The following KATNIP variants were observed in gnomAD, a reference collection of about 807,000 sequenced individuals.
The protein encoded by KATNIP is katanin interacting protein.
A neutral mutation model predicts 174.0 loss-of-function variants in KATNIP; 126 were observed. That is an observed-to-expected ratio of 0.72 (90% CI 0.63 to 0.84). The LOEUF is 0.84. KATNIP is among the 40% of genes least tolerant of loss of function. The pLI is 0.00. For missense variants in KATNIP, 1,958 were observed against 2,109.7 expected, an observed-to-expected ratio of 0.93 and a Z score of 1.41; for synonymous variants, 810 against 835.7, an observed-to-expected ratio of 0.97 and a Z score of 0.53.
rs781557932 is a variant in KATNIP, at chr16:27,631,146, G to A, written c.392G>A (p.Arg131His). ...SSRTAPSKVQ[R>H]RGWHQKSVQI... The stretch of plus-strand genomic sequence containing the variant: ...CGGACAGCCCCCAGTAAAGTCCAGC[G>A]CCGAGGATGGCACCAGGTCTGGAGA... Residue 131 changes from arginine (R) to histidine (H), a missense_variant, in exon 5 of 28, where the codon CGC (arginine) becomes CAC (histidine). Physicochemically the swap from Arg to His is conservative, Grantham distance 29. Coordinates refer to ENST00000261588, the MANE Select transcript of KATNIP (RefSeq NM_015202.5). 2.2e-5 allele frequency: 34 copies of A among 1,568,444 alleles called. No individual in the cohort carries two copies. Among genetic ancestry groups the A allele is most frequent in the South Asian group, 5.9e-5 (5 of 85,354 alleles).
rs1411083527 is a variant in KATNIP at position 27,637,340 on chromosome 16, A to G, written c.408+6178A>G. On this transcript the variant is annotated intron_variant, in intron 5 of 27. Coordinates refer to ENST00000261588, the MANE Select transcript of KATNIP (RefSeq NM_015202.5). This position sits in a 1 kb window ranked among gnomAD's most constrained non-coding sequence, Gnocchi z 4.7. ...TTGGCACTTACAGATGCCGGGTTCCAAGCAATAAGTGAGGCCAGCCCTGCT... is the reference window on the plus strand; with the variant it reads ...TTGGCACTTACAGATGCCGGGTTCCGAGCAATAAGTGAGGCCAGCCCTGCT... Among the ~76,000 whole-genome samples the G allele has an allele frequency of 6.6e-6, 1 of 152,154 alleles. No individual in the cohort carries two copies. The highest frequency in any genetic ancestry group is 6.5e-5 in the Admixed American group (1 of 15,282).
intron 4 of KATNIP, among the ~76,000 whole-genome samples, chr16:27,629,739 C>T (rs531973765): frequency 1.3e-5 from 2 of 152,340 alleles, no homozygotes; most frequent in South Asian, 2.1e-4. Context: ...CTCAGTTAGA[C>T]ATGGTGGCTC....
chr16:27,723,103 C>G (rs2080304416), intron 14 of KATNIP, among the ~76,000 whole-genome samples: 1 of 152,152 alleles, frequency 6.6e-6, no homozygotes, highest in South Asian at 2.1e-4. Flanking sequence ...GAGGGCCCTG[C>G]GTGTTCACAG....
chr16:27,669,189 G>A (rs2077797650), intron 6 of KATNIP: 1 of 671,220 alleles, frequency 1.5e-6, no homozygotes, highest in Non-Finnish European at 1.8e-6. Flanking sequence ...TCAGCAGAAA[G>A]AGGAAGCTCA....
chr16:27,743,014 T>C (rs1392840813), intron 15 of KATNIP, among the ~76,000 whole-genome samples: 1 of 152,140 alleles, frequency 6.6e-6, no homozygotes, highest in Non-Finnish European at 1.5e-5. Flanking sequence ...CTCCTCCCAC[T>C]ACACCCCCCA....
At chr16:27,648,802 C>A (rs1224582309) in intron 6 of KATNIP, 67 bp downstream of exon 6, 7 of 1,542,416 alleles carry the variant, frequency 4.5e-6, no homozygotes, top group Non-Finnish European at 6.2e-6. Context: ...CTGCAGTGGC[C>A]CCTCGGGGCA....
At chr16:27,658,185 G>A (rs1408265251) in intron 6 of KATNIP, among the ~76,000 whole-genome samples, 4 of 152,138 alleles carry the variant, frequency 2.6e-5, no homozygotes, top group Admixed American at 6.6e-5. Context: ...CTTTTTTAAC[G>A]TCCTTATGTG....
intron 2 of KATNIP, among the ~76,000 whole-genome samples, chr16:27,603,592 A>T (rs2075605586): frequency 2.0e-5 from 3 of 149,670 alleles, no homozygotes; most frequent in Non-Finnish European, 4.4e-5. Context: ...TTCCTCCTGC[A>T]TTCTTCTGCC....
At chr16:27,739,879 G>A (rs2041251327) in intron 14 of KATNIP, among the ~76,000 whole-genome samples, 162 bp from the exon 15 acceptor site, 1 of 152,230 alleles carries the variant, frequency 6.6e-6, no homozygotes, top group South Asian at 2.1e-4. Context: ...CCACAGAAAT[G>A]AGACCAAGCC....
Position 27,776,434 on chromosome 16 carries a change from C to T in KATNIP, c.4450-494C>T, listed in dbSNP as rs1396087445. On this transcript the variant is annotated intron_variant, in intron 24 of 27. Transcript: ENST00000261588. This position sits in a 1 kb window ranked among gnomAD's most constrained non-coding sequence, Gnocchi z 4.7. ...CGATCTAGACAGCCCCCTTTTTACT[C>T]CCCCAGCGGAGGTTCACAGACACGC... is the stretch of plus-strand genomic sequence containing the variant. Among the ~76,000 whole-genome samples the T allele has an allele frequency of 1.3e-5, 2 of 152,166 alleles. No homozygotes were observed. The highest frequency in any genetic ancestry group is 1.5e-5 in the Non-Finnish European group (1 of 68,034).
chr16:27,734,772 C>T (rs929677535), intron 14 of KATNIP, among the ~76,000 whole-genome samples: 2 of 152,148 alleles, frequency 1.3e-5, no homozygotes, highest in African/African-American at 4.8e-5. Flanking sequence ...AGTGGCTAGG[C>T]TAGCATGGGC....
At chr16:27,669,423 T>A in intron 6 of KATNIP, 1 of 326,374 alleles carries the variant, frequency 3.1e-6, no homozygotes, top group Non-Finnish European at 4.4e-6. Context: ...TGAAAGGGCT[T>A]GAACTTAACA....
rs28478388 is a variant in KATNIP, at chr16:27,580,127, G to A, written c.63+6171G>A. The stretch of plus-strand genomic sequence containing the variant: ...TTGTTGCTATCTTTTTTGTTTTTTT[G>A]TTTTAGACAGGGTCTCGCTGTGTTA... On this transcript the variant is annotated intron_variant, in intron 2 of 27. Transcript: ENST00000261588. Among the ~76,000 whole-genome samples the A allele has an allele frequency of 8.0e-3, 1,211 of 151,674 alleles. 9 individuals carry two copies. The highest frequency in any genetic ancestry group is 0.044 in the Middle Eastern group (13 of 294).
intron 1 of KATNIP, among the ~76,000 whole-genome samples, chr16:27,553,766 G>C (rs1006463373): frequency 1.2e-4 from 19 of 152,200 alleles, no homozygotes; most frequent in Middle Eastern, 3.4e-3. Context: ...AGCCCAGGAG[G>C]TCAAGACCAG....
At chr16:27,617,140 T>A (rs1178604503) in intron 2 of KATNIP, among the ~76,000 whole-genome samples, 1 of 152,142 alleles carries the variant, frequency 6.6e-6, no homozygotes, top group Non-Finnish European at 1.5e-5. Flanking sequence ...ATGGTCAGAT[T>A]ATAGTATATT....
chr16:27,651,790 G>A (rs1372047306), intron 6 of KATNIP, among the ~76,000 whole-genome samples: 5 of 152,148 alleles, frequency 3.3e-5, no homozygotes, highest in Non-Finnish European at 7.3e-5. Context: ...TGCGATCTCG[G>A]CTCACTGCAA....
At chr16:27,585,660 A>T (rs1030351570) in intron 2 of KATNIP, among the ~76,000 whole-genome samples, 4 of 152,380 alleles carry the variant, frequency 2.6e-5, no homozygotes, top group African/African-American at 9.6e-5. Context: ...TAGTAAAATA[A>T]GCCAGGCACA....
chr16:27,564,746 G>GGCTGGCTT (rs371330891), intron 1 of KATNIP, among the ~76,000 whole-genome samples: 4 of 151,704 alleles, frequency 2.6e-5, no homozygotes, highest in African/African-American at 9.7e-5. Flanking sequence ...GTGTCTGCCT[G>GGCTGGCTT]GCTTGCTTGC....
chr16:27,571,026 T>TTTTGTTTG (rs919426835), intron 1 of KATNIP, among the ~76,000 whole-genome samples: 1 of 152,054 alleles, frequency 6.6e-6, no homozygotes, highest in East Asian at 1.9e-4. Flanking sequence ...ATATTTTGGT[T>TTTTGTTTG]TTTGTTTGTT....
Sources: allele counts gnomAD v4.1 joint callset (sites outside exome capture counted in the v4.1 genomes callset), GRCh38; gene constraint gnomAD v4.1.1; non-coding constraint Gnocchi (gnomAD v3.1); transcripts MANE v1.5; gene names NCBI Gene and HGNC (gene_info 2026-07-23, HGNC 2026-07-21).